ME1: variants seen among roughly 807,000 people sequenced by gnomAD.
The protein encoded by ME1 is malic enzyme 1.
ME1 carries 74 observed loss-of-function variants against 66.4 expected under a neutral mutation model. The observed-to-expected ratio is 1.11, with a 90% confidence interval of 0.92 to 1.35. The LOEUF is 1.35. ME1 is among the 40% of genes most tolerant of loss of function. The probability of loss-of-function intolerance (pLI) is 0.00; values close to 1 mark genes in which losing one functional copy is unlikely to be tolerated. For synonymous variants in ME1, 251 were observed against 235.6 expected (o/e 1.07, Z -0.60); for missense variants, 750 against 694.1 (o/e 1.08, Z -0.90).
At chr6:83,417,364 T>A (rs1016208785) in intron 1 of ME1, among the ~76,000 whole-genome samples, 8 of 138,164 alleles carry the variant, frequency 5.8e-5, no homozygotes, top group Non-Finnish European at 1.1e-4. Flanking sequence ...GTTTTTTTTG[T>A]TGTTTTTTGT....
chr6:83,292,497 C>T (rs1767522025), intron 6 of ME1, among the ~76,000 whole-genome samples: 3 of 152,184 alleles, frequency 2.0e-5, no homozygotes, highest in South Asian at 2.1e-4. Flanking sequence ...CTGGAAGCTT[C>T]ATCCCAGAGA....
chr6:83,331,112 G>A (rs1441654573), intron 5 of ME1, among the ~76,000 whole-genome samples: 3 of 152,142 alleles, frequency 2.0e-5, no homozygotes, highest in Non-Finnish European at 2.9e-5. Context: ...CATTCTGCCC[G>A]TGACCTCTTG....
At chr6:83,262,025 A>G (rs938694922) in intron 6 of ME1, among the ~76,000 whole-genome samples, 2 of 151,542 alleles carry the variant, frequency 1.3e-5, no homozygotes, top group Admixed American at 6.6e-5. Flanking sequence ...AAAAAAAAAA[A>G]AAAAAGAAAA....
At chr6:83,321,568 C>G (rs1043971601) in intron 5 of ME1, among the ~76,000 whole-genome samples, 8 of 152,156 alleles carry the variant, frequency 5.3e-5, no homozygotes, top group Non-Finnish European at 1.2e-4. Context: ...ACCACAGCAC[C>G]ACAAAGCCAC....
chr6:83,307,994 G>A (rs1767857264), intron 6 of ME1, among the ~76,000 whole-genome samples: 1 of 152,062 alleles, frequency 6.6e-6, no homozygotes, highest in African/African-American at 2.4e-5. Flanking sequence ...TGACTAGTCT[G>A]GTCTGTTTCA....
intron 6 of ME1, among the ~76,000 whole-genome samples, chr6:83,268,710 C>A (rs562551027): frequency 6.7e-6 from 1 of 148,608 alleles, no homozygotes; most frequent in Non-Finnish European, 1.5e-5. Context: ...GGACCACAGG[C>A]GCGCATCACC....
intron 6 of ME1, among the ~76,000 whole-genome samples, chr6:83,290,367 G>A (rs1300517437): frequency 3.3e-5 from 5 of 152,120 alleles, no homozygotes; most frequent in Non-Finnish European, 4.4e-5. Flanking sequence ...GTTTATTTCT[G>A]CCTTCATTTC....
chr6:83,303,744 C>T (rs1280129663), intron 6 of ME1, among the ~76,000 whole-genome samples: 1 of 151,978 alleles, frequency 6.6e-6, no homozygotes, highest in Non-Finnish European at 1.5e-5. Flanking sequence ...ACTTTAGAAA[C>T]ATTTAATTCT....
chr6:83,407,112 T>A (rs2128551920), intron 2 of ME1, among the ~76,000 whole-genome samples: 1 of 152,146 alleles, frequency 6.6e-6, no homozygotes, highest in South Asian at 2.1e-4. Context: ...AACAATCTTT[T>A]CAAATAGCTG....
intron 6 of ME1, among the ~76,000 whole-genome samples, chr6:83,259,237 T>C (rs1000684427): frequency 4.6e-5 from 7 of 152,200 alleles, no homozygotes; most frequent in Non-Finnish European, 8.8e-5. Context: ...TATAATGTAT[T>C]GAAGCTTGAG....
rs541764901 is a variant in ME1, at chr6:83,218,832, C to T, written c.1450-2236G>A. On this transcript the variant is annotated intron_variant, in intron 12 of 13. Coordinates refer to ENST00000369705, the MANE Select transcript of ME1 (RefSeq NM_002395.6). ...ATTTCCCCCCAAATTCCTCAAAGTG[C>T]TAGCTTCAGAGAAAGAGTAAAAGAA... 1.2e-4 allele frequency among the ~76,000 whole-genome samples: 19 copies of T among 152,294 alleles called. 1 individual carries two copies. In the South Asian group the frequency reaches 3.9e-3, roughly 32 times the overall value.
intron 1 of ME1, among the ~76,000 whole-genome samples, chr6:83,413,601 TGAAA>T (rs1459765746): frequency 6.6e-6 from 1 of 152,030 alleles, no homozygotes; most frequent in Non-Finnish European, 1.5e-5. Context: ...TTTATTATTC[TGAAA>T]GAGATAAAAT....
chr6:83,256,534 G>A (rs890494235), intron 6 of ME1, among the ~76,000 whole-genome samples: 35 of 152,088 alleles, frequency 2.3e-4, no homozygotes, highest in African/African-American at 8.2e-4. Context: ...TAAAAAGTCA[G>A]GAAACAACAG....
intron 6 of ME1, among the ~76,000 whole-genome samples, chr6:83,277,728 C>G (rs906847283): frequency 6.6e-6 from 1 of 151,828 alleles, no homozygotes; most frequent in Non-Finnish European, 1.5e-5. Flanking sequence ...ATGGTGAAAC[C>G]CCGTCACTAC....
chr6:83,218,698 TAA>T (rs1324428204), intron 12 of ME1, among the ~76,000 whole-genome samples: 1 of 152,178 alleles, frequency 6.6e-6, no homozygotes, highest in Non-Finnish European at 1.5e-5. Flanking sequence ...ATCGAGTTAA[TAA>T]AAGAGATGTT....
intron 6 of ME1, among the ~76,000 whole-genome samples, chr6:83,295,100 A>G (rs1767573514): frequency 6.6e-6 from 1 of 152,212 alleles, no homozygotes; most frequent in Non-Finnish European, 1.5e-5. Context: ...CCAACTGACC[A>G]TTATGCTTAA....
chr6:83,349,187 C>T (rs759034730), intron 4 of ME1, among the ~76,000 whole-genome samples: 9 of 151,672 alleles, frequency 5.9e-5, no homozygotes, highest in East Asian at 1.9e-4. Context: ...TTATTACAAA[C>T]GTACATTTAT....
At chr6:83,288,921 GA>G (rs1767448344) in intron 6 of ME1, among the ~76,000 whole-genome samples, 1 of 152,166 alleles carries the variant, frequency 6.6e-6, no homozygotes, top group Admixed American at 6.5e-5. Flanking sequence ...TAGCAGTTGT[GA>G]ATAGGAGTTC....
chr6:83,394,005 C>T (rs919697779), intron 3 of ME1, among the ~76,000 whole-genome samples: 6 of 151,674 alleles, frequency 4.0e-5, no homozygotes, highest in Non-Finnish European at 5.9e-5. Context: ...TTTTTTGGTA[C>T]GATGACATTA....
Sources: allele counts gnomAD v4.1 joint callset (sites outside exome capture counted in the v4.1 genomes callset), GRCh38; gene constraint gnomAD v4.1.1; transcripts MANE v1.5; gene names NCBI Gene and HGNC (gene_info 2026-07-23, HGNC 2026-07-21).